Variants in RIMS1 observed in about 807,000 individuals in gnomAD.
The protein encoded by RIMS1 is regulating synaptic membrane exocytosis 1, also known as regulating synaptic membrane exocytosis protein 1.
In RIMS1, 83 loss-of-function variants were observed where a neutral mutation model predicts 214.1. The ratio of observed to expected loss-of-function variants is 0.39; its 90% confidence interval spans 0.32 to 0.47. The LOEUF is 0.47. Ranked by LOEUF, RIMS1 falls within the 20% of genes least tolerant of loss-of-function variation. The probability of loss-of-function intolerance (pLI) is 0.99; values close to 1 mark genes in which losing one functional copy is unlikely to be tolerated. For missense variants in RIMS1, 2,050 were observed against 2,161.8 expected (o/e 0.95, Z 1.03); for synonymous variants, 793 against 786.8 (o/e 1.01, Z -0.13).
intron 29 of RIMS1, among the ~76,000 whole-genome samples, chr6:72,364,046 C>T (rs775629153): frequency 2.0e-5 from 3 of 152,214 alleles, no homozygotes; most frequent in Non-Finnish European, 4.4e-5. Flanking sequence ...AGATGAGTCA[C>T]CTGGCACCAA....
Position 72,183,010 on chromosome 6 carries a change from G to A in RIMS1, c.1539G>A (p.Pro513=), listed in dbSNP as rs2048570159. 6.3e-7 allele frequency: 1 copy of A among 1,596,788 alleles called. No individual in the cohort carries two copies. Residue 513 remains proline (P), a synonymous_variant, in exon 6 of 34, where the codon CCG becomes CCA. Coordinates refer to ENST00000521978, the MANE Select transcript of RIMS1 (RefSeq NM_014989.7). ...SDQSESVRPS[P]PKPHRSKRGG... ...AGTCCGAGTCGGTGCGGCCGTCCCC[G>A]CCCAAGCCGCACCGGTCCAAGAGAG...
chr6:72,023,353 A>T (rs981694349), intron 2 of RIMS1, among the ~76,000 whole-genome samples: 5 of 152,178 alleles, frequency 3.3e-5, no homozygotes, highest in African/African-American at 1.2e-4. Context: ...TGAAGTTTTT[A>T]ACACACTTGA....
intron 1 of RIMS1, among the ~76,000 whole-genome samples, chr6:71,952,803 C>A (rs1790038268): frequency 6.6e-6 from 1 of 152,014 alleles, no homozygotes; most frequent in African/African-American, 2.4e-5. Context: ...CCCTGCTGAT[C>A]TCAGCTGGGG....
rs189146111 is a variant in RIMS1 at position 72,159,949 on chromosome 6, G to T, written c.472-19626G>T. ...AAGAAAGTCGTTGGTAGCTTGATGG[G>T]GATGGCATTGAATCTATAAATTACC... On this transcript the variant is annotated intron_variant, in intron 4 of 33. Transcript: ENST00000521978. 4.3e-5 allele frequency among the ~76,000 whole-genome samples: 6 copies of T among 139,252 alleles called. 1 individual carries two copies. Among genetic ancestry groups the T allele is most frequent in the Admixed American group, 1.5e-4 (2 of 13,508 alleles). 91.4% of individuals were successfully genotyped at this position (139,252 alleles called of 152,430 possible).
intron 26 of RIMS1, among the ~76,000 whole-genome samples, chr6:72,295,216 A>G (rs2093940147): frequency 6.6e-6 from 1 of 151,788 alleles, no homozygotes; most frequent in Non-Finnish European, 1.5e-5. Context: ...AGAAATACAG[A>G]AACAGGCCAT....
At chr6:72,245,226 A>T (rs2068874723) in intron 10 of RIMS1, among the ~76,000 whole-genome samples, 1 of 151,750 alleles carries the variant, frequency 6.6e-6, no homozygotes, top group Non-Finnish European at 1.5e-5. Context: ...TAGAGATATG[A>T]ATCTCTATAA....
At chr6:72,056,462 A>T (rs1403158682) in intron 2 of RIMS1, among the ~76,000 whole-genome samples, 2 of 152,244 alleles carry the variant, frequency 1.3e-5, no homozygotes, top group African/African-American at 4.8e-5. Flanking sequence ...GAAGTTTAAA[A>T]CATACTATAA....
intron 2 of RIMS1, among the ~76,000 whole-genome samples, chr6:72,072,569 G>A (rs1336824156): frequency 6.6e-6 from 1 of 152,070 alleles, no homozygotes. Context: ...TGTATGGCGG[G>A]GAAGAAAAAT....
chr6:71,987,255 G>C lies in RIMS1; in HGVS notation c.245+18192G>C, dbSNP rs563664234. On this transcript the variant is annotated intron_variant, in intron 2 of 33. Transcript: ENST00000521978. ...TGCTATTAAAAAATGCTTTTGACTA[G>C]GTAGCTTTAAAAGCAGACATTTATT... Among the ~76,000 whole-genome samples, 97 of 152,270 alleles carry C rather than the reference G, an allele frequency of 6.4e-4. 1 individual carries two copies. Among genetic ancestry groups the C allele is most frequent in the Admixed American group, 1.8e-3 (27 of 15,272 alleles).
intron 2 of RIMS1, among the ~76,000 whole-genome samples, chr6:71,971,136 A>G (rs1795752546): frequency 6.6e-6 from 1 of 152,176 alleles, no homozygotes; most frequent in Non-Finnish European, 1.5e-5. Flanking sequence ...AATTTAATAA[A>G]CATTGCAGTT....
intron 28 of RIMS1, among the ~76,000 whole-genome samples, chr6:72,321,690 C>T (rs2096175591): frequency 6.6e-6 from 1 of 151,974 alleles, no homozygotes; most frequent in African/African-American, 2.4e-5. Context: ...TTCCTAATTG[C>T]CCTCCTTACA....
intron 26 of RIMS1, among the ~76,000 whole-genome samples, chr6:72,299,317 T>C (rs1027035388): frequency 1.3e-5 from 2 of 151,980 alleles, no homozygotes; most frequent in African/African-American, 2.4e-5. Context: ...TCTACAAATA[T>C]GAATTTCCTT....
intron 1 of RIMS1, among the ~76,000 whole-genome samples, chr6:71,941,896 C>G (rs1015568267): frequency 2.0e-5 from 3 of 152,188 alleles, no homozygotes; most frequent in African/African-American, 7.2e-5. Flanking sequence ...CAGTCACTTC[C>G]CATCAGTACT....
intron 4 of RIMS1, among the ~76,000 whole-genome samples, chr6:72,115,348 T>C (rs774156331): frequency 7.9e-5 from 12 of 151,956 alleles, no homozygotes; most frequent in East Asian, 1.9e-4. Context: ...AAATACATAA[T>C]GTATATAGTA....
In RIMS1 at chr6:72,333,856, C is replaced by T. The variant is rs749093188; in HGVS notation, c.4366+21C>T. 24 of 1,491,854 alleles carry T rather than the reference C, an allele frequency of 1.6e-5. No individual in the cohort carries two copies. In the Admixed American group the frequency reaches 4.1e-4, roughly 26 times the overall value. The allele number at this position is 1,491,854 out of a possible 1,614,324, so 92.4% of individuals were successfully genotyped here. On this transcript the variant is annotated intron_variant, in intron 29 of 33. Coordinates refer to ENST00000521978, the MANE Select transcript of RIMS1 (RefSeq NM_014989.7). ...AACAGGTGAGTGATGTGAATTCAAC[C>T]TAAACAACTCAATTCTTTTATGGAG... is the stretch of plus-strand genomic sequence containing the variant.
chr6:72,358,865 T>G (rs1169532184), intron 29 of RIMS1, among the ~76,000 whole-genome samples: 1 of 152,168 alleles, frequency 6.6e-6, no homozygotes, highest in Non-Finnish European at 1.5e-5. Context: ...AGGTGCTACC[T>G]AAGTCCATAG....
chr6:72,392,159 C>G (rs2098713006), intron 30 of RIMS1, among the ~76,000 whole-genome samples: 1 of 152,184 alleles, frequency 6.6e-6, no homozygotes, highest in Non-Finnish European at 1.5e-5. Context: ...CTGGGGCTAT[C>G]AGGAAGTTGT....
intron 29 of RIMS1, among the ~76,000 whole-genome samples, chr6:72,357,632 C>T (rs754904370): frequency 5.9e-5 from 9 of 152,146 alleles, no homozygotes; most frequent in Non-Finnish European, 1.0e-4. Flanking sequence ...TACAGGGTCT[C>T]TAATACTTCC....
intron 4 of RIMS1, among the ~76,000 whole-genome samples, chr6:72,131,889 A>G (rs2040507289): frequency 6.6e-6 from 1 of 152,150 alleles, no homozygotes; most frequent in South Asian, 2.1e-4. Flanking sequence ...TCTCTTTCCC[A>G]GGGATGTTCC....
Sources: gnomAD v4.1 joint callset for allele counts (sites outside exome capture counted in the v4.1 genomes callset) on GRCh38, gnomAD v4.1.1 for gene constraint, MANE v1.5 for transcripts, NCBI Gene and HGNC (gene_info 2026-07-23, HGNC 2026-07-21) for gene names.